Variants in LIPI observed in about 807,000 individuals in gnomAD.
LIPI encodes the protein lipase member I.
LIPI carries 59 observed loss-of-function variants against 50.6 expected under a neutral mutation model. The observed-to-expected ratio is 1.16, with a 90% CI of 0.94 to 1.45. The LOEUF is 1.45. Ranked by LOEUF, LIPI falls within the 40% of genes most tolerant of loss-of-function variation. The pLI is 0.00. For missense variants in LIPI, 586 were observed against 536.3 expected (o/e 1.09, Z -0.92); for synonymous variants, 203 against 178.2 (o/e 1.14, Z -1.11).
At chr21:14,169,560 C>G (rs1333010112) in intron 4 of LIPI, among the ~76,000 whole-genome samples, 3 of 152,202 alleles carry the variant, frequency 2.0e-5, no homozygotes, top group Admixed American at 6.5e-5. Context: ...TTAAGAAACT[C>G]ACTCAAAACC....
At chr21:14,189,667 A>G (rs1020365398) in intron 1 of LIPI, among the ~76,000 whole-genome samples, 5 of 152,170 alleles carry the variant, frequency 3.3e-5, no homozygotes, top group African/African-American at 7.2e-5. Context: ...TTTTATCTGT[A>G]CAAAATATAA....
intron 9 of LIPI, among the ~76,000 whole-genome samples, chr21:14,138,236 G>T (rs1267728515): frequency 6.6e-6 from 1 of 151,820 alleles, no homozygotes; most frequent in Non-Finnish European, 1.5e-5. Context: ...AATTAAAAAA[G>T]ATTTCAGGAC....
intron 1 of LIPI, among the ~76,000 whole-genome samples, chr21:14,190,856 C>T (rs527952657): frequency 4.6e-5 from 7 of 152,080 alleles, no homozygotes; most frequent in Non-Finnish European, 7.4e-5. Flanking sequence ...ATATCAATAC[C>T]AATCAATACA....
At chr21:14,171,354 G>C (rs201292829) in intron 4 of LIPI, among the ~76,000 whole-genome samples, 15,130 of 145,082 alleles carry the variant, frequency 0.1, 1,169 homozygotes, top group African/African-American at 0.21. Context: ...TCACAGAATT[G>C]GAAAAAACTA....
rs567972643 is a variant in LIPI at position 14,129,798 on chromosome 21, GT to G, written c.1295+14824del. On this transcript the variant is annotated intron_variant, in intron 9 of 9. Coordinates refer to ENST00000681601, the MANE Select transcript of LIPI (RefSeq NM_001302998.2). ...TATTTGTTCAATAATGACTCTAATT[GT>G]TTTTTTTTTTAAAAAAAAAAAAAGC... Among the ~76,000 whole-genome samples, 799 of 101,714 alleles carry G rather than the reference GT, an allele frequency of 7.9e-3. 5 individuals carry two copies. Among genetic ancestry groups the G allele is most frequent in the African/African-American group, 0.025 (649 of 26,152 alleles). The allele number at this position is 101,714 out of a possible 152,430, so 66.7% of individuals were successfully genotyped here.
At chr21:14,167,838 A>G (rs1161763717) in intron 4 of LIPI, among the ~76,000 whole-genome samples, 1 of 152,244 alleles carries the variant, frequency 6.6e-6, no homozygotes, top group African/African-American at 2.4e-5. Flanking sequence ...GCAGTTCCTC[A>G]CCAACAATGG....
chr21:14,148,234 G>A (rs1200117128), intron 8 of LIPI, among the ~76,000 whole-genome samples: 1 of 152,234 alleles, frequency 6.6e-6, no homozygotes, highest in East Asian at 1.9e-4. Context: ...AATGCAAAGT[G>A]TAGGTATTCC....
chr21:14,169,049 C>A (rs1409495152), intron 4 of LIPI, among the ~76,000 whole-genome samples: 1 of 152,022 alleles, frequency 6.6e-6, no homozygotes, highest in Non-Finnish European at 1.5e-5. Context: ...CAAAAAAAGG[C>A]AGGGGTTGCA....
chr21:14,129,797 TG>T lies in LIPI; in HGVS notation c.1295+14825del, dbSNP rs1458817887. 5.3e-5 allele frequency among the ~76,000 whole-genome samples: 7 copies of T among 131,634 alleles called. No homozygotes were observed. In the East Asian group the frequency reaches 7.2e-4, roughly 14 times the overall value. 86.4% of individuals were successfully genotyped at this position (131,634 alleles called of 152,430 possible). A position where few individuals can be genotyped will look rare whatever the true frequency, so the allele number is the denominator to read the frequency against. On this transcript the variant is annotated intron_variant, in intron 9 of 9. Coordinates refer to ENST00000681601, the MANE Select transcript of LIPI (RefSeq NM_001302998.2). The stretch of plus-strand genomic sequence containing the variant: ...CTATTTGTTCAATAATGACTCTAAT[TG>T]TTTTTTTTTTTAAAAAAAAAAAAAG...
At chr21:14,123,214 C>T (rs551545851) in intron 9 of LIPI, among the ~76,000 whole-genome samples, 10 of 152,286 alleles carry the variant, frequency 6.6e-5, no homozygotes, top group Admixed American at 1.3e-4. Flanking sequence ...TTCAGACTCC[C>T]GTAGGAGATA....
chr21:14,152,713 C>A, intron 7 of LIPI, 29 bp from the exon 8 acceptor site: 2 of 1,144,650 alleles, frequency 1.7e-6, no homozygotes, highest in South Asian at 1.3e-5. Flanking sequence ...GAATACAACT[C>A]ACATTATTTT....
At chr21:14,173,789 A>C (rs1393302070) in intron 4 of LIPI, among the ~76,000 whole-genome samples, 1 of 151,826 alleles carries the variant, frequency 6.6e-6, no homozygotes, top group East Asian at 1.9e-4. Context: ...GGAGAAGAGC[A>C]CTATTTAATG....
At chr21:14,116,008 G>A (rs1373689422) in intron 9 of LIPI, among the ~76,000 whole-genome samples, 1 of 61,888 alleles carries the variant, frequency 1.6e-5, no homozygotes, top group African/African-American at 6.2e-5. Flanking sequence ...CCCCAACTGG[G>A]AGTGTGTGGG....
intron 9 of LIPI, among the ~76,000 whole-genome samples, chr21:14,135,286 A>G (rs1390299708): frequency 6.6e-6 from 1 of 152,182 alleles, no homozygotes; most frequent in African/African-American, 2.4e-5. Flanking sequence ...ACTATTCCCC[A>G]CTGCAAAGAC....
intron 1 of LIPI, among the ~76,000 whole-genome samples, chr21:14,205,446 T>C (rs1380180654): frequency 2.0e-5 from 3 of 151,924 alleles, no homozygotes; most frequent in South Asian, 2.1e-4. Context: ...TATGAATATA[T>C]ATTTCTGCAT....
chr21:14,118,714 C>T (rs1473380340), intron 9 of LIPI, among the ~76,000 whole-genome samples: 1 of 152,180 alleles, frequency 6.6e-6, no homozygotes, highest in Non-Finnish European at 1.5e-5. Context: ...TATCAGGAGT[C>T]TGGGCAGAGG....
rs201138245 is a variant in LIPI, at chr21:14,152,617, T to G, written c.1074A>C (p.Lys358Asn). 3 of 1,590,716 alleles carry G rather than the reference T, an allele frequency of 1.9e-6. No homozygotes were observed. Among genetic ancestry groups the G allele is most frequent in the Non-Finnish European group, 2.6e-6 (3 of 1,160,188 alleles). Residue 358 changes from lysine (K) to asparagine (N), a missense_variant, in exon 8 of 10, where the codon AAA becomes AAC. Transcript: ENST00000681601. ...KTMMDGSFSF[K>N]LLNQLGMIEE... is the part of the protein sequence containing the mutation. ...CAATCATTCCAAGCTGATTTAATAA[T>G]TTAAATGAAAACGAGCCATCCATCA...
At chr21:14,144,920 C>T in intron 8 of LIPI, 121 bp from the exon 9 acceptor site, 1 of 605,966 alleles carries the variant, frequency 1.7e-6, no homozygotes. Context: ...AAAGGCCAAA[C>T]AAAATATTAT....
At chr21:14,207,981 T>C (rs1375035795) in intron 1 of LIPI, among the ~76,000 whole-genome samples, 5 of 152,206 alleles carry the variant, frequency 3.3e-5, no homozygotes, top group Admixed American at 3.3e-4. Flanking sequence ...CTGGGTCTTT[T>C]AGTTCCAAAT....
Sources: gnomAD v4.1 joint callset for allele counts (sites outside exome capture counted in the v4.1 genomes callset) on GRCh38, gnomAD v4.1.1 for gene constraint, MANE v1.5 for transcripts, NCBI Gene and HGNC (gene_info 2026-07-23, HGNC 2026-07-21) for gene names.